NAA11: variants seen among roughly 807,000 people sequenced by gnomAD.
The protein encoded by NAA11 is N-alpha-acetyltransferase 11, NatA catalytic subunit.
In NAA11, 15 loss-of-function variants were observed where a neutral mutation model predicts 16.1. The observed-to-expected ratio is 0.93, with a 90% CI of 0.62 to 1.44. The LOEUF (loss-of-function observed/expected upper bound fraction) is 1.44. Among genes scored for constraint, NAA11 ranks in the 40% most tolerant of loss-of-function variants. The probability of loss-of-function intolerance (pLI) is 0.00; values close to 1 mark genes in which losing one functional copy is unlikely to be tolerated. For synonymous variants in NAA11, 122 were observed against 112.4 expected, an observed-to-expected ratio of 1.09 and a Z score of -0.54; for missense variants, 298 against 291.3, an observed-to-expected ratio of 1.02 and a Z score of -0.17.
chr4:79,323,857 G>C (rs1483543170), intron 1 of NAA11, among the ~76,000 whole-genome samples: 1 of 151,844 alleles, frequency 6.6e-6, no homozygotes, highest in Non-Finnish European at 1.5e-5. Flanking sequence ...ACAAAAATTA[G>C]CCAGGCGAGG....
chr4:79,186,779 G>C, the NAA11 span, among the ~76,000 whole-genome samples: 5 of 152,114 alleles, frequency 3.3e-5, no homozygotes, highest in African/African-American at 1.2e-4. Flanking sequence ...CCAACGACAA[G>C]CCAGTTTCAA....
At chr4:79,177,506 A>G in the NAA11 span, among the ~76,000 whole-genome samples, 1 of 152,118 alleles carries the variant, frequency 6.6e-6, no homozygotes, top group Admixed American at 6.6e-5. Flanking sequence ...TGAAAATGGA[A>G]GTCCAGGGCT....
chr4:79,220,949 G>C (rs1358869383), downstream of NAA11, among the ~76,000 whole-genome samples: 1 of 151,684 alleles, frequency 6.6e-6, no homozygotes, highest in Non-Finnish European at 1.5e-5. Context: ...CATTGAATCT[G>C]TAAATTACCT....
downstream of NAA11, among the ~76,000 whole-genome samples, chr4:79,221,153 A>T (rs370576583): frequency 6.3e-3 from 953 of 151,954 alleles, 6 homozygotes; most frequent in Admixed American, 0.011. Context: ...ATGGGAGTTC[A>T]CTCATGATGT....
intron 2 of NAA11, among the ~76,000 whole-genome samples, chr4:79,282,406 C>A (rs13143951): frequency 0.43 from 65,693 of 151,696 alleles, 14,694 homozygotes; most frequent in Middle Eastern, 0.53. Flanking sequence ...AAGCCAAGCA[C>A]TATATTAGGA....
chr4:79,294,163 A>G (rs1723156261), intron 1 of NAA11: 1 of 152,224 alleles, frequency 6.6e-6, no homozygotes, highest in African/African-American at 2.4e-5. Context: ...AATTCCAGAT[A>G]TGGGTTCCAT....
chr4:79,159,928 AACTT>A, the NAA11 span, among the ~76,000 whole-genome samples: 1 of 151,386 alleles, frequency 6.6e-6, no homozygotes, highest in South Asian at 2.1e-4. Context: ...TGGATATACT[AACTT>A]TTGTTCATCT....
the NAA11 span, among the ~76,000 whole-genome samples, chr4:79,211,405 G>A: frequency 1.3e-5 from 2 of 151,974 alleles, no homozygotes. Context: ...GAAAGAAAGA[G>A]CATATGGAAT....
intron 1 of NAA11, chr4:79,305,215 G>A (rs1723540472): frequency 6.6e-6 from 1 of 152,104 alleles, no homozygotes; most frequent in Non-Finnish European, 1.5e-5. Context: ...TCTTCAAATA[G>A]AGGCTCTTCC....
At chr4:79,159,837 T>A in the NAA11 span, among the ~76,000 whole-genome samples, 3 of 152,200 alleles carry the variant, frequency 2.0e-5, no homozygotes, top group African/African-American at 7.2e-5. Context: ...TTTCACTTAA[T>A]ATAATGTTTC....
the NAA11 span, among the ~76,000 whole-genome samples, chr4:79,220,328 A>C: frequency 9.9e-5 from 15 of 152,196 alleles, no homozygotes; most frequent in Non-Finnish European, 1.5e-4. Context: ...CCTGACCCCA[A>C]GTGATCCACC....
intron 1 of NAA11, among the ~76,000 whole-genome samples, chr4:79,310,313 A>C (rs552691996): frequency 6.6e-6 from 1 of 152,354 alleles, no homozygotes; most frequent in Admixed American, 6.5e-5. Context: ...GGATGAAACA[A>C]TATTTTGGTA....
intron 2 of NAA11, among the ~76,000 whole-genome samples, chr4:79,257,643 T>C (rs912435549): frequency 9.2e-5 from 14 of 152,110 alleles, no homozygotes; most frequent in Admixed American, 9.2e-4. Flanking sequence ...TTCATTTTGG[T>C]GTTTGATCTT....
intron 2 of NAA11, among the ~76,000 whole-genome samples, chr4:79,289,650 G>C (rs1206075465): frequency 1.3e-5 from 2 of 152,136 alleles, no homozygotes; most frequent in Non-Finnish European, 2.9e-5. Flanking sequence ...GCTGGGATTT[G>C]AATTCAGAAC....
At chr4:79,259,596 C>T (rs931831813) in intron 2 of NAA11, among the ~76,000 whole-genome samples, 1 of 152,154 alleles carries the variant, frequency 6.6e-6, no homozygotes, top group East Asian at 1.9e-4. Context: ...CAGAACAAGC[C>T]CAGCAGGCCC....
chr4:79,224,790 T>G (rs967817008), downstream of NAA11, among the ~76,000 whole-genome samples: 3 of 152,128 alleles, frequency 2.0e-5, no homozygotes, highest in Non-Finnish European at 4.4e-5. Flanking sequence ...TCAACAGTGA[T>G]CAATCATGTT....
At chr4:79,261,748 C>T (rs1012347588) in intron 2 of NAA11, among the ~76,000 whole-genome samples, 1 of 152,090 alleles carries the variant, frequency 6.6e-6, no homozygotes, top group African/African-American at 2.4e-5. Context: ...GTAGAAATAT[C>T]GAGAGCAGCA....
intron 2 of NAA11, among the ~76,000 whole-genome samples, chr4:79,263,568 C>T (rs1240133699): frequency 6.6e-6 from 1 of 152,140 alleles, no homozygotes; most frequent in African/African-American, 2.4e-5. Context: ...ACAATGAGTG[C>T]TTTTACAAGA....
the NAA11 span, among the ~76,000 whole-genome samples, chr4:79,168,405 C>T: frequency 1.6e-4 from 24 of 152,124 alleles, no homozygotes; most frequent in Non-Finnish European, 3.2e-4. Flanking sequence ...ATTGCCAGGT[C>T]AAATGGTATT....
Sources: allele counts gnomAD v4.1 joint callset (sites outside exome capture counted in the v4.1 genomes callset), GRCh38; gene constraint gnomAD v4.1.1; transcripts MANE v1.5; gene names NCBI Gene and HGNC (gene_info 2026-07-23, HGNC 2026-07-21).